The following FHL1 variants were observed in gnomAD, a reference collection of about 807,000 sequenced individuals.
FHL1 encodes four and a half LIM domains 1, also known as four and a half LIM domains protein 1.
Under a neutral mutation model 20.3 loss-of-function variants are expected in FHL1, and 1 was observed. That is an observed-to-expected ratio of 0.05 (90% CI 0.02 to 0.23). The LOEUF is 0.23. FHL1 is among the 10% of genes least tolerant of loss of function. FHL1 has a pLI of 1.00. For missense variants in FHL1, 177 were observed against 234.0 expected (o/e 0.76, Z 1.59); for synonymous variants, 82 against 88.9 (o/e 0.92, Z 0.44).
At chrX:136,156,983 G>T (rs1356843955) in intron 1 of FHL1, among the ~76,000 whole-genome samples, 1 of 55,475 alleles carries the variant, frequency 1.8e-5, no homozygotes, top group Non-Finnish European at 4.2e-5. Context: ...AGAGACTAAG[G>T]AATACACACA....
chrX:136,194,863 G>T (rs771157812), upstream of FHL1, among the ~76,000 whole-genome samples: 2 of 111,422 alleles, frequency 1.8e-5, no homozygotes, highest in African/African-American at 6.5e-5. Context: ...GTCTAATTCT[G>T]TGGCTTGAGG....
chrX:136,191,451 G>C (rs765518402), intron 2 of FHL1, among the ~76,000 whole-genome samples: 2 of 111,640 alleles, frequency 1.8e-5, no homozygotes, highest in African/African-American at 6.5e-5. Context: ...GTGACATCCA[G>C]GTCACGGCTT....
At chrX:136,206,112 G>A (rs1197434911) in intron 1 of FHL1, 4 of 395,738 alleles carry the variant, frequency 1.0e-5, no homozygotes, top group East Asian at 4.4e-5. Flanking sequence ...GCCCCGCTCC[G>A]CATCTTTTGT....
At chrX:136,200,651 A>G (rs1048507805) in intron 1 of FHL1, among the ~76,000 whole-genome samples, 2 of 112,048 alleles carry the variant, frequency 1.8e-5, no homozygotes, top group African/African-American at 6.5e-5. Context: ...TGGATTAGGT[A>G]CTGGGGCCCC....
intron 1 of FHL1, among the ~76,000 whole-genome samples, chrX:136,160,236 A>G (rs776932565): frequency 2.7e-5 from 3 of 110,806 alleles, no homozygotes; most frequent in Non-Finnish European, 5.7e-5. Context: ...AGGGAAAGAA[A>G]AAAACTGAGA....
chrX:136,175,324 T>C (rs181702496), intron 2 of FHL1, among the ~76,000 whole-genome samples: 4 of 112,765 alleles, frequency 3.5e-5, no homozygotes, highest in Non-Finnish European at 7.5e-5. Context: ...ACAATGTTAA[T>C]ATGGTTAACT....
At chrX:136,181,435 A>C (rs1194433770) in intron 2 of FHL1, among the ~76,000 whole-genome samples, 2 of 112,294 alleles carry the variant, frequency 1.8e-5, no homozygotes, top group African/African-American at 6.5e-5. Flanking sequence ...GGGAACCTTC[A>C]AAAAGGTCTC....
In FHL1 at chrX:136,210,534, CTTCT is replaced by C. The variant is rs2073985833; in HGVS notation, c.*510_*513del. Reference sequence around the variant, plus strand: ...CTTCCTCATCAGAACTCTGCCCTTCCTTCTGTTCTTTTGTGCTTTCAAATAACTA... The same window carrying C: ...CTTCCTCATCAGAACTCTGCCCTTCCGTTCTTTTGTGCTTTCAAATAACTA... On this transcript the variant is annotated 3_prime_UTR_variant, in exon 6 of 6. Coordinates refer to ENST00000370683, the MANE Select transcript of FHL1 (RefSeq NM_001159699.2). 1 of 389,560 alleles carries C rather than the reference CTTCT, an allele frequency of 2.6e-6. No homozygotes were observed. Among genetic ancestry groups the C allele is most frequent in the Non-Finnish European group, 4.8e-6 (1 of 207,616 alleles). 32.1% of individuals were successfully genotyped at this position (389,560 alleles called of 1,213,427 possible).
chrX:136,206,597 C>T lies in FHL1; in HGVS notation c.204+9C>T. The T allele has an allele frequency of 8.2e-7, 1 of 1,212,262 alleles. No individual in the cohort carries two copies. Among genetic ancestry groups the T allele is most frequent in the Non-Finnish European group, 1.1e-6 (1 of 895,409 alleles). The stretch of plus-strand genomic sequence containing the variant: ...TCGGTGCGGACTCCAAGGTAACGGG[C>T]ATCCCCATGTGCCAATGGGAAGGGC... On this transcript the variant is annotated intron_variant, in intron 2 of 5. Transcript: ENST00000370683.
chrX:136,188,877 G>A (rs766475804), intron 2 of FHL1, among the ~76,000 whole-genome samples: 2 of 111,512 alleles, frequency 1.8e-5, no homozygotes, highest in Admixed American at 9.5e-5. Context: ...CTCCTGAGCT[G>A]TAGAGTCATT....
rs1434035374 is a variant in FHL1 at position 136,210,475 on chromosome X, C to T, written c.*450C>T. On this transcript the variant is annotated 3_prime_UTR_variant, in exon 6 of 6. Coordinates refer to ENST00000370683, the MANE Select transcript of FHL1 (RefSeq NM_001159699.2). ...CTCACTGCTCACCCTCTTCTGTGAG[C>T]AGGAAAAGAACCCTACTGACATGCA... 1 of 390,829 alleles carries T rather than the reference C, an allele frequency of 2.6e-6. No homozygotes were observed. The highest frequency in any genetic ancestry group is 2.5e-5 in the African/African-American group (1 of 40,779). 32.2% of individuals were successfully genotyped at this position (390,829 alleles called of 1,213,427 possible).
At chrX:136,205,378 T>G (rs781138092) in intron 1 of FHL1, among the ~76,000 whole-genome samples, 1 of 111,647 alleles carries the variant, frequency 9.0e-6, no homozygotes, top group African/African-American at 3.3e-5. Context: ...ATTTTAAGAT[T>G]ATAATTTTTA....
At chrX:136,148,947 T>A (rs1035262596) in intron 1 of FHL1, among the ~76,000 whole-genome samples, 8 of 112,356 alleles carry the variant, frequency 7.1e-5, no homozygotes, top group Non-Finnish European at 1.3e-4. Flanking sequence ...CCCCTTGTAT[T>A]CATTTAAATT....
rs1056959075 is a variant in FHL1 at position 136,211,260 on chromosome X, A to G, written c.*1235A>G. 8.9e-6 allele frequency: 3 copies of G among 337,571 alleles called. No homozygotes were observed. Among genetic ancestry groups the G allele is most frequent in the African/African-American group, 7.8e-5 (3 of 38,582 alleles). The allele number at this position is 337,571 out of a possible 1,213,427, so 27.8% of individuals were successfully genotyped here. ...TACTAACATTCTTGTAGGAGTGGTT[A>G]GAGAAGCTGATGCCTCATTTCTACA... On this transcript the variant is annotated 3_prime_UTR_variant, in exon 6 of 6. Coordinates refer to ENST00000370683, the MANE Select transcript of FHL1 (RefSeq NM_001159699.2).
At chrX:136,156,480 C>T (rs1479623376) in intron 1 of FHL1, among the ~76,000 whole-genome samples, 1 of 110,922 alleles carries the variant, frequency 9.0e-6, no homozygotes, top group African/African-American at 3.3e-5. Context: ...CGGGGTTTCA[C>T]TGTGTTGGTC....
intron 2 of FHL1, among the ~76,000 whole-genome samples, chrX:136,179,194 G>A (rs957034239): frequency 3.6e-5 from 4 of 111,971 alleles, no homozygotes; most frequent in African/African-American, 9.7e-5. Flanking sequence ...AATTGTCAGC[G>A]TGCACAGGCA....
At chrX:136,158,402 T>C (rs1057006289) in intron 1 of FHL1, among the ~76,000 whole-genome samples, 1 of 112,023 alleles carries the variant, frequency 8.9e-6, no homozygotes, top group Admixed American at 9.5e-5. Context: ...TCTGTTCTGT[T>C]GCTATTACTT....
At chrX:136,170,449 G>A (rs1461097307) in intron 2 of FHL1, among the ~76,000 whole-genome samples, 1 of 111,218 alleles carries the variant, frequency 9.0e-6, no homozygotes, top group African/African-American at 3.3e-5. Context: ...GGTGATAGAA[G>A]GCCAAAGAGT....
At chrX:136,194,358 C>T (rs761102328), upstream of FHL1, among the ~76,000 whole-genome samples, 2 of 111,958 alleles carry the variant, frequency 1.8e-5, no homozygotes, top group East Asian at 2.8e-4. Context: ...ATGGCTGGGG[C>T]GGCATTATCT....
Sources: allele counts gnomAD v4.1 joint callset (sites outside exome capture counted in the v4.1 genomes callset), GRCh38; gene constraint gnomAD v4.1.1; transcripts MANE v1.5; gene names NCBI Gene and HGNC (gene_info 2026-07-23, HGNC 2026-07-21).